Variants in ITGBL1 observed in about 807,000 individuals in gnomAD.
ITGBL1 encodes the protein integrin beta-like protein 1.
Under a neutral mutation model 68.5 loss-of-function variants are expected in ITGBL1, and 51 were observed. The ratio of observed to expected loss-of-function variants is 0.74; its 90% CI spans 0.59 to 0.94. The LOEUF is 0.94. ITGBL1 is among the 40% of genes least tolerant of loss of function. The pLI is 0.00. For synonymous variants in ITGBL1, 209 were observed against 227.3 expected, an observed-to-expected ratio of 0.92 and a Z score of 0.72; for missense variants, 649 against 647.4, an observed-to-expected ratio of 1.00 and a Z score of -0.03.
At chr13:101,647,240 A>G (rs1041965313) in intron 7 of ITGBL1, among the ~76,000 whole-genome samples, 1 of 152,214 alleles carries the variant, frequency 6.6e-6, no homozygotes, top group Admixed American at 6.5e-5. Context: ...AAATTAATTA[A>G]CCTCAAGCAA....
chr13:101,550,577 G>C (rs1337872944), intron 2 of ITGBL1, among the ~76,000 whole-genome samples: 1 of 152,184 alleles, frequency 6.6e-6, no homozygotes, highest in Non-Finnish European at 1.5e-5. Flanking sequence ...AACTGTGGCA[G>C]GCTAATTTGT....
intron 2 of ITGBL1, among the ~76,000 whole-genome samples, chr13:101,518,614 A>G (rs2049233287): frequency 6.6e-6 from 1 of 152,226 alleles, no homozygotes; most frequent in Admixed American, 6.5e-5. Flanking sequence ...GATTAGCACC[A>G]TTACTGAGGA....
At chr13:101,718,606 A>G (rs568363576), downstream of ITGBL1, 4 of 152,140 alleles carry the variant, frequency 2.6e-5, no homozygotes, top group East Asian at 7.8e-4. Context: ...ACTTTTTCAA[A>G]AAAGTCAACT....
chr13:101,609,975 T>C (rs1338760495), intron 7 of ITGBL1, among the ~76,000 whole-genome samples: 3 of 152,170 alleles, frequency 2.0e-5, no homozygotes, highest in African/African-American at 4.8e-5. Flanking sequence ...TGAAATTCTT[T>C]GGCTAAGATA....
chr13:101,680,532 AC>A (rs932261406), intron 7 of ITGBL1, among the ~76,000 whole-genome samples: 1 of 147,776 alleles, frequency 6.8e-6, no homozygotes, highest in Admixed American at 6.7e-5. Context: ...TCGGGAATAC[AC>A]TTTTTTTTTT....
At chr13:101,584,553 G>A (rs1434689074) in intron 6 of ITGBL1, among the ~76,000 whole-genome samples, 1 of 152,120 alleles carries the variant, frequency 6.6e-6, no homozygotes, top group African/African-American at 2.4e-5. Context: ...AACTTCAAAG[G>A]CTTCTCCAGA....
At chr13:101,590,076 G>A (rs144258457) in intron 6 of ITGBL1, among the ~76,000 whole-genome samples, 9 of 152,272 alleles carry the variant, frequency 5.9e-5, no homozygotes, top group African/African-American at 1.7e-4. Context: ...GTGAAAGACC[G>A]CCAAAGATTT....
chr13:101,531,955 C>G (rs1472026886), intron 2 of ITGBL1, among the ~76,000 whole-genome samples: 2 of 151,702 alleles, frequency 1.3e-5, no homozygotes, highest in East Asian at 3.9e-4. Flanking sequence ...AGGATGGTCT[C>G]GATTTCCTGA....
At position 101,715,742 on chromosome 13, in the gene ITGBL1, G is replaced by A. The variant is rs1010351771; in HGVS notation, c.*88G>A. Reference sequence around the variant, plus strand: ...AGGAAACCATGTATATTCACCACTAGGACAGGTTAAAAAGACCATTGTATG... The same window carrying A: ...AGGAAACCATGTATATTCACCACTAAGACAGGTTAAAAAGACCATTGTATG... On this transcript the variant is annotated 3_prime_UTR_variant, in exon 11 of 11. Transcript: ENST00000376180. 12 of 792,066 alleles carry A rather than the reference G, an allele frequency of 1.5e-5. No homozygotes were observed. Among genetic ancestry groups the A allele is most frequent in the African/African-American group, 6.9e-5 (4 of 58,304 alleles). The allele number at this position is 792,066 out of a possible 1,614,324, so 49.1% of individuals were successfully genotyped here. A position where few individuals can be genotyped will look rare whatever the true frequency, so the allele number is the denominator to read the frequency against.
At chr13:101,615,512 C>T (rs1441540768) in intron 7 of ITGBL1, among the ~76,000 whole-genome samples, 1 of 151,842 alleles carries the variant, frequency 6.6e-6, no homozygotes, top group Non-Finnish European at 1.5e-5. Flanking sequence ...ATGTTTGTGC[C>T]CTTCTTAAAA....
intron 2 of ITGBL1, among the ~76,000 whole-genome samples, chr13:101,564,085 T>G (rs2050142624): frequency 6.6e-6 from 1 of 152,000 alleles, no homozygotes; most frequent in African/African-American, 2.4e-5. Context: ...TATCTATAGA[T>G]TCAATGCAAT....
At chr13:101,704,561 G>A (rs1215018109) in intron 8 of ITGBL1, among the ~76,000 whole-genome samples, 1 of 150,624 alleles carries the variant, frequency 6.6e-6, no homozygotes, top group African/African-American at 2.4e-5. Flanking sequence ...AGAATTTTGT[G>A]GCATGCCAAT....
At chr13:101,473,604 A>C (rs2139647243) in intron 2 of ITGBL1, among the ~76,000 whole-genome samples, 1 of 152,290 alleles carries the variant, frequency 6.6e-6, no homozygotes, top group Admixed American at 6.5e-5. Flanking sequence ...TTTCTGGGCA[A>C]GTCCTGCTCT....
At chr13:101,701,159 T>C (rs1191400454) in intron 8 of ITGBL1, among the ~76,000 whole-genome samples, 1 of 152,192 alleles carries the variant, frequency 6.6e-6, no homozygotes, top group Non-Finnish European at 1.5e-5. Flanking sequence ...ACTCAAAGCA[T>C]TTGAATATTA....
At chr13:101,633,579 T>G (rs1273185857) in intron 7 of ITGBL1, among the ~76,000 whole-genome samples, 1 of 152,188 alleles carries the variant, frequency 6.6e-6, no homozygotes, top group Non-Finnish European at 1.5e-5. Context: ...AGCAGAAGCT[T>G]TGAGAGCCTC....
chr13:101,694,013 C>T (rs1222657693), intron 8 of ITGBL1, among the ~76,000 whole-genome samples: 1 of 152,096 alleles, frequency 6.6e-6, no homozygotes, highest in Admixed American at 6.5e-5. Flanking sequence ...GAGATTGTTT[C>T]TACTATTTTT....
chr13:101,673,262 TG>T (rs1375410816), intron 7 of ITGBL1, among the ~76,000 whole-genome samples: 1 of 152,202 alleles, frequency 6.6e-6, no homozygotes, highest in Non-Finnish European at 1.5e-5. Context: ...TGCAGGAAGC[TG>T]TAAAAAATGT....
chr13:101,540,452 A>G (rs1037425737), intron 2 of ITGBL1, among the ~76,000 whole-genome samples: 30 of 152,124 alleles, frequency 2.0e-4, no homozygotes, highest in African/African-American at 7.2e-4. Context: ...TTTGGTTACT[A>G]TAGCCTTGTA....
At chr13:101,549,570 T>G (rs1320044620) in intron 2 of ITGBL1, among the ~76,000 whole-genome samples, 4 of 151,904 alleles carry the variant, frequency 2.6e-5, no homozygotes, top group Non-Finnish European at 5.9e-5. Flanking sequence ...AGAAAAATAA[T>G]GAAAATGTTC....
Sources: gnomAD v4.1 joint callset for allele counts (sites outside exome capture counted in the v4.1 genomes callset) on GRCh38, gnomAD v4.1.1 for gene constraint, MANE v1.5 for transcripts, NCBI Gene and HGNC (gene_info 2026-07-23, HGNC 2026-07-21) for gene names.